Variants in GALNT2 observed in about 807,000 individuals in gnomAD.
GALNT2 encodes UDP-GalNAc:polypeptide N-acetylgalactosaminyltransferase 2.
GALNT2 carries 31 observed loss-of-function variants against 81.4 expected under a neutral mutation model. The observed-to-expected ratio is 0.38, with a 90% CI of 0.29 to 0.51. The LOEUF (loss-of-function observed/expected upper bound fraction) is 0.51, where lower values mean the gene tolerates loss of function less well. Among genes scored for constraint, GALNT2 ranks in the 20% least tolerant of loss-of-function variants. The pLI, the probability that GALNT2 is intolerant of heterozygous loss-of-function variation, is 0.87. For missense variants in GALNT2, 629 were observed against 765.7 expected, an observed-to-expected ratio of 0.82 and a Z score of 2.11; for synonymous variants, 303 against 287.4, an observed-to-expected ratio of 1.05 and a Z score of -0.55.
At chr1:230,270,781 GA>G (rs1666142835) in intron 14 of GALNT2, among the ~76,000 whole-genome samples, 1 of 152,192 alleles carries the variant, frequency 6.6e-6, no homozygotes, top group African/African-American at 2.4e-5. Flanking sequence ...CAGGAAATGA[GA>G]AAATTAATGG....
intron 1 of GALNT2, among the ~76,000 whole-genome samples, chr1:230,165,131 T>G (rs532894010): frequency 3.3e-5 from 5 of 152,360 alleles, no homozygotes; most frequent in African/African-American, 1.2e-4. Flanking sequence ...CATGTGAAAG[T>G]CTGAGAAGGA....
chr1:230,126,963 C>T (rs985529739), intron 1 of GALNT2, among the ~76,000 whole-genome samples: 10 of 152,176 alleles, frequency 6.6e-5, no homozygotes, highest in African/African-American at 2.2e-4. Context: ...AAAATTGCAA[C>T]CTAATTGCTC....
Position 230,280,114 on chromosome 1 carries a change from A to G in GALNT2, c.*656A>G. The G allele has an allele frequency of 2.4e-6, 1 of 420,158 alleles. No homozygotes were observed. The highest frequency in any genetic ancestry group is 1.7e-5 in the South Asian group (1 of 59,072). The allele number at this position is 420,158 out of a possible 1,614,324, so 26.0% of individuals were successfully genotyped here. ...CAGTTCCCTATGGTTTCTGTAGATCATCGTCATCTTGTATATTCCCCACAA... is the reference window on the plus strand; with the variant it reads ...CAGTTCCCTATGGTTTCTGTAGATCGTCGTCATCTTGTATATTCCCCACAA... On this transcript the variant is annotated 3_prime_UTR_variant, in exon 16 of 16. Transcript: ENST00000366672.
At chr1:230,145,660 CATAGTGCCA>C (rs1465041286) in intron 1 of GALNT2, among the ~76,000 whole-genome samples, 3 of 152,226 alleles carry the variant, frequency 2.0e-5, no homozygotes, top group African/African-American at 7.2e-5. Context: ...CCCACCTTGG[CATAGTGCCA>C]ATGGGGGCCT....
At position 230,279,529 on chromosome 1, in the gene GALNT2, T is replaced by C; in HGVS notation, c.*71T>C. ...GGAGTCTGGTGATCACATTATTGAT[T>C]ATGTTTCTTAAACTTTCCGCGAAAC... On this transcript the variant is annotated 3_prime_UTR_variant, in exon 16 of 16. Coordinates refer to ENST00000366672, the MANE Select transcript of GALNT2 (RefSeq NM_004481.5). This position sits in a 1 kb window ranked among gnomAD's most constrained non-coding sequence, Gnocchi z 4.6. The C allele has an allele frequency of 1.3e-6, 2 of 1,538,302 alleles. No homozygotes were observed. Among genetic ancestry groups the C allele is most frequent in the Non-Finnish European group, 1.8e-6 (2 of 1,136,128 alleles).
intron 1 of GALNT2, among the ~76,000 whole-genome samples, chr1:230,136,353 C>A (rs1558102353): frequency 6.6e-6 from 1 of 152,212 alleles, no homozygotes; most frequent in Non-Finnish European, 1.5e-5. Context: ...CCTCTGATAA[C>A]CCTGCCATAG....
At position 230,257,474 on chromosome 1, in the gene GALNT2, C is replaced by T. The variant is rs2102755250; in HGVS notation, c.1136+2130C>T. On this transcript the variant is annotated intron_variant, in intron 11 of 15. Coordinates refer to ENST00000366672, the MANE Select transcript of GALNT2 (RefSeq NM_004481.5). This position sits in a 1 kb window ranked among gnomAD's most constrained non-coding sequence, Gnocchi z 4.6. Reference sequence around the variant, plus strand: ...CTTTGTTTAGATACACAAATACTTACCATTGTGTTACAGTTTCCTCCAGTG... The same window carrying T: ...CTTTGTTTAGATACACAAATACTTATCATTGTGTTACAGTTTCCTCCAGTG... Among the ~76,000 whole-genome samples the T allele has an allele frequency of 6.6e-6, 1 of 152,278 alleles. No individual in the cohort carries two copies. The highest frequency in any genetic ancestry group is 6.5e-5 in the Admixed American group (1 of 15,308).
At chr1:230,150,485 G>T (rs896362195) in intron 1 of GALNT2, among the ~76,000 whole-genome samples, 3 of 152,206 alleles carry the variant, frequency 2.0e-5, no homozygotes, top group Non-Finnish European at 4.4e-5. Context: ...CTTTCTGCCC[G>T]CTTTGTTTTT....
chr1:230,085,930 G>A lies in GALNT2; in HGVS notation c.126+18524G>A, dbSNP rs141540481. Among the ~76,000 whole-genome samples the A allele has an allele frequency of 3.9e-5, 6 of 152,292 alleles. No individual in the cohort carries two copies. In the East Asian group the frequency reaches 1.2e-3, roughly 29 times the overall value. On this transcript the variant is annotated intron_variant, in intron 1 of 15. Coordinates refer to ENST00000366672, the MANE Select transcript of GALNT2 (RefSeq NM_004481.5). ...TGTTTGTGAAATGTTGGGGAAACCC[G>A]AGGCAATACCTGGAGCCCAGAAGAG...
intron 1 of GALNT2, among the ~76,000 whole-genome samples, chr1:230,161,233 C>T (rs1010815763): frequency 6.6e-6 from 1 of 152,186 alleles, no homozygotes; most frequent in African/African-American, 2.4e-5. Flanking sequence ...GGTGGCCTCA[C>T]GTGTCCTATA....
chr1:230,112,220 T>G (rs1271951748), intron 1 of GALNT2, among the ~76,000 whole-genome samples: 1 of 152,188 alleles, frequency 6.6e-6, no homozygotes, highest in Non-Finnish European at 1.5e-5. Flanking sequence ...TGTCTACCTG[T>G]GGGTCTAATC....
In GALNT2 at chr1:230,271,095, G is replaced by A. The variant is rs146124771; in HGVS notation, c.1441-3350G>A. On this transcript the variant is annotated intron_variant, in intron 14 of 15. Coordinates refer to ENST00000366672, the MANE Select transcript of GALNT2 (RefSeq NM_004481.5). This position sits in a 1 kb window ranked among gnomAD's most constrained non-coding sequence, Gnocchi z 4.2. Reference sequence around the variant, plus strand: ...GTCTGGAACCCTTCTCCATACCAGCGTTGTCCCTCTTACTCAGGACTCTCC... The same window carrying A: ...GTCTGGAACCCTTCTCCATACCAGCATTGTCCCTCTTACTCAGGACTCTCC... Among the ~76,000 whole-genome samples the A allele has an allele frequency of 5.9e-5, 9 of 152,308 alleles. No individual in the cohort carries two copies. Among genetic ancestry groups the A allele is most frequent in the East Asian group, 1.9e-4 (1 of 5,194 alleles).
At chr1:230,090,856 G>A (rs559603398) in intron 1 of GALNT2, among the ~76,000 whole-genome samples, 1 of 152,224 alleles carries the variant, frequency 6.6e-6, no homozygotes, top group African/African-American at 2.4e-5. Flanking sequence ...AATGATCATG[G>A]GTCTAAGGCA....
In GALNT2 at chr1:230,265,237, T is replaced by C. The variant is rs1665998187; in HGVS notation, c.1314-4T>C. 1.1e-5 allele frequency: 17 copies of C among 1,614,086 alleles called. No homozygotes were observed. Among genetic ancestry groups the C allele is most frequent in the Admixed American group, 5.0e-5 (3 of 60,002 alleles). ...AAGCAGGTGATTCTCACGTTGTTTT[T>C]CAGGGTTCCAGACCATCAGGATATA... On this transcript the variant is annotated splice_polypyrimidine_tract_variant and splice_region_variant and intron_variant, in intron 13 of 15. Coordinates refer to ENST00000366672, the MANE Select transcript of GALNT2 (RefSeq NM_004481.5).
intron 1 of GALNT2, among the ~76,000 whole-genome samples, chr1:230,103,568 G>A (rs954224176): frequency 2.6e-5 from 4 of 152,116 alleles, no homozygotes; most frequent in African/African-American, 9.7e-5. Context: ...GGCTGCAGAG[G>A]CAGTCTGTGT....
rs1217607655 is a variant in GALNT2, at chr1:230,257,198, T to C, written c.1136+1854T>C. 6.6e-6 allele frequency among the ~76,000 whole-genome samples: 1 copy of C among 152,228 alleles called. No homozygotes were observed. Among genetic ancestry groups the C allele is most frequent in the Non-Finnish European group, 1.5e-5 (1 of 68,038 alleles). On this transcript the variant is annotated intron_variant, in intron 11 of 15. Transcript: ENST00000366672. This position sits in a 1 kb window ranked among gnomAD's most constrained non-coding sequence, Gnocchi z 4.6. ...GGAAAACACTGGGGCTTTTCAGCAG[T>C]GCCTGATGTCTGTTTTATGCTTTGG...
chr1:230,080,778 A>T (rs997531655), intron 1 of GALNT2, among the ~76,000 whole-genome samples: 1 of 152,222 alleles, frequency 6.6e-6, no homozygotes, highest in Non-Finnish European at 1.5e-5. Context: ...TCAGTGCCTC[A>T]GTTTCCCCAT....
Position 230,279,828 on chromosome 1 carries a change from A to AG in GALNT2, c.*375dup, listed in dbSNP as rs1029437028. The AG allele has an allele frequency of 6.3e-6, 3 of 478,744 alleles. No individual in the cohort carries two copies. The highest frequency in any genetic ancestry group is 6.3e-5 in the East Asian group (1 of 15,960). The allele number at this position is 478,744 out of a possible 1,614,324, so 29.7% of individuals were successfully genotyped here. A position where few individuals can be genotyped will look rare whatever the true frequency, so the allele number is the denominator to read the frequency against. On this transcript the variant is annotated 3_prime_UTR_variant, in exon 16 of 16. Transcript: ENST00000366672. This position sits in a 1 kb window ranked among gnomAD's most constrained non-coding sequence, Gnocchi z 4.6. ...TGCGAGCTGAGGACAGGGCGGGAGGAGGGGGCACACATGCCCCAGGGGAGC... is the reference window on the plus strand; with the variant it reads ...TGCGAGCTGAGGACAGGGCGGGAGGAGGGGGGCACACATGCCCCAGGGGAGC...
At position 230,140,642 on chromosome 1, in the gene GALNT2, G is replaced by A. The variant is rs140624692; in HGVS notation, c.127-37576G>A. Among the ~76,000 whole-genome samples the A allele has an allele frequency of 1.7e-3, 254 of 152,342 alleles. 1 individual carries two copies. The highest frequency in any genetic ancestry group is 5.7e-3 in the African/African-American group (238 of 41,568). ...CACAGCTGGAGGCTTCTCTGCAAAC[G>A]TGTATTATGGTTTTATCTTCTCCCC... is the stretch of plus-strand genomic sequence containing the variant. On this transcript the variant is annotated intron_variant, in intron 1 of 15. Coordinates refer to ENST00000366672, the MANE Select transcript of GALNT2 (RefSeq NM_004481.5).
Sources: allele counts gnomAD v4.1 joint callset (sites outside exome capture counted in the v4.1 genomes callset), GRCh38; gene constraint gnomAD v4.1.1; non-coding constraint Gnocchi (gnomAD v3.1); transcripts MANE v1.5; gene names NCBI Gene and HGNC (gene_info 2026-07-23, HGNC 2026-07-21).